Variants in MSH3 observed in about 807,000 individuals in gnomAD.
MSH3 encodes DNA mismatch repair protein Msh3.
Under a neutral mutation model 123.3 loss-of-function variants are expected in MSH3, and 106 were observed. That is an observed-to-expected ratio of 0.86 (90% CI 0.73 to 1.01). MSH3 has a LOEUF of 1.01. Among genes scored for constraint, MSH3 ranks in the 50% least tolerant of loss-of-function variants. MSH3 has a pLI of 0.00. For missense variants in MSH3, 1,459 were observed against 1,347.6 expected (o/e 1.08, Z -1.29); for synonymous variants, 515 against 481.4 (o/e 1.07, Z -0.91).
At chr5:80,792,173 T>C (rs1167387986) in intron 18 of MSH3, among the ~76,000 whole-genome samples, 1 of 152,150 alleles carries the variant, frequency 6.6e-6, no homozygotes, top group South Asian at 2.1e-4. Context: ...TGAAAATAAG[T>C]AGCAATAATC....
intron 8 of MSH3, among the ~76,000 whole-genome samples, chr5:80,724,382 T>TAATAC (rs1195278454): frequency 1.3e-5 from 2 of 151,616 alleles, no homozygotes; most frequent in Non-Finnish European, 2.9e-5. Flanking sequence ...TGTAGTAATA[T>TAATAC]ATAATGAGCA....
At chr5:80,667,731 G>A (rs1020355487) in intron 3 of MSH3, among the ~76,000 whole-genome samples, 1 of 152,212 alleles carries the variant, frequency 6.6e-6, no homozygotes, top group South Asian at 2.1e-4. Flanking sequence ...TGGCACCAGG[G>A]AACACAGTGG....
chr5:80,654,905 G>GCTGCAGCGC lies in MSH3; in HGVS notation c.179_180insTGCAGCGCC (p.Ala61_Pro63dup). The GCTGCAGCGC allele has an allele frequency of 6.7e-7, 1 of 1,494,090 alleles. No homozygotes were observed. The allele number at this position is 1,494,090 out of a possible 1,614,324, so 92.6% of individuals were successfully genotyped here. ...TGCAGCGGCTGCAGCGGCCGCAGCG[G>GCTGCAGCGC]CCGCAGCGCCCCCAGCGCCCCCAGC... On this transcript the variant is annotated inframe_insertion, in exon 1 of 24. Transcript: ENST00000265081.
In MSH3 at chr5:80,875,769, T is replaced by C; in HGVS notation, c.3321T>C (p.Phe1107=). ...INTKRKRLKY[F]AKLWTMHNAQ... ...TCCCCAGAAAGAGACTCAAGTATTT[T>C]GCAAAGTTATGGACGATGCATAATG... Residue 1107 remains phenylalanine, a synonymous_variant, in exon 24 of 24, where the codon TTT becomes TTC. Coordinates refer to ENST00000265081, the MANE Select transcript of MSH3 (RefSeq NM_002439.5). The C allele has an allele frequency of 6.2e-7, 1 of 1,612,928 alleles. No individual in the cohort carries two copies. The highest frequency in any genetic ancestry group is 8.5e-7 in the Non-Finnish European group (1 of 1,178,922).
intron 22 of MSH3, among the ~76,000 whole-genome samples, chr5:80,866,487 A>G (rs1746100477): frequency 6.6e-6 from 1 of 152,214 alleles, no homozygotes; most frequent in Non-Finnish European, 1.5e-5. Flanking sequence ...CAATGGTGCT[A>G]AAAGGCTCCT....
chr5:80,724,399 A>G (rs1580586650), intron 8 of MSH3, among the ~76,000 whole-genome samples: 2 of 152,194 alleles, frequency 1.3e-5, no homozygotes, highest in African/African-American at 4.8e-5. Context: ...AGCATATATT[A>G]TATATGCTTG....
intron 19 of MSH3, among the ~76,000 whole-genome samples, chr5:80,794,789 C>T (rs924390470): frequency 3.9e-5 from 6 of 152,022 alleles, no homozygotes; most frequent in African/African-American, 7.2e-5. Flanking sequence ...TCTGAGATTG[C>T]GAGAAATGGC....
intron 9 of MSH3, among the ~76,000 whole-genome samples, chr5:80,726,895 A>G (rs1030742825): frequency 2.0e-5 from 3 of 152,206 alleles, no homozygotes; most frequent in Non-Finnish European, 4.4e-5. Flanking sequence ...CTTAAAAGAT[A>G]TGGGCCAGAA....
intron 12 of MSH3, among the ~76,000 whole-genome samples, chr5:80,755,617 T>C (rs1743914244): frequency 6.6e-6 from 1 of 152,140 alleles, no homozygotes; most frequent in Non-Finnish European, 1.5e-5. Context: ...AGGACATTGC[T>C]GAATCTGTAT....
rs557365379 is a variant in MSH3, at chr5:80,685,144, T to C, written c.1340+6051T>C. ...ATTTTCTTTATTTGATATGAATTTGTCTCATTCTGGTATCAGGGTAATACT... is the reference window on the plus strand; with the variant it reads ...ATTTTCTTTATTTGATATGAATTTGCCTCATTCTGGTATCAGGGTAATACT... On this transcript the variant is annotated intron_variant, in intron 8 of 23. Coordinates refer to ENST00000265081, the MANE Select transcript of MSH3 (RefSeq NM_002439.5). Among the ~76,000 whole-genome samples the C allele has an allele frequency of 2.0e-5, 3 of 152,012 alleles. No individual in the cohort carries two copies. The East Asian group carries it at 5.8e-4, about 29-fold the overall frequency.
chr5:80,868,536 A>G (rs1180336245), intron 22 of MSH3, among the ~76,000 whole-genome samples: 1 of 147,756 alleles, frequency 6.8e-6, no homozygotes, highest in Admixed American at 6.8e-5. Context: ...CAAGTGTTGC[A>G]TGTTTCACTT....
chr5:80,870,541 G>C (rs1367604118), intron 22 of MSH3, among the ~76,000 whole-genome samples: 4 of 152,240 alleles, frequency 2.6e-5, no homozygotes, highest in Admixed American at 2.6e-4. Context: ...TCCCTAATCT[G>C]TTCCCACCTA....
At chr5:80,774,777 C>CGG (rs1744271137) in intron 15 of MSH3, among the ~76,000 whole-genome samples, 1 of 151,884 alleles carries the variant, frequency 6.6e-6, no homozygotes, top group South Asian at 2.1e-4. Flanking sequence ...GTTGAACTCA[C>CGG]GGAGATACAG....
intron 17 of MSH3, among the ~76,000 whole-genome samples, chr5:80,782,329 G>A (rs1024079372): frequency 6.8e-6 from 1 of 146,928 alleles, no homozygotes; most frequent in Non-Finnish European, 1.5e-5. Flanking sequence ...AAGGATGGTA[G>A]CATCTATACT....
intron 8 of MSH3, among the ~76,000 whole-genome samples, chr5:80,721,894 A>G (rs939856615): frequency 2.6e-5 from 4 of 152,148 alleles, no homozygotes; most frequent in Non-Finnish European, 4.4e-5. Context: ...GTGACGAGGT[A>G]TAGCCATTTG....
In MSH3 at chr5:80,704,561, G is replaced by A. The variant is rs6151689; in HGVS notation, c.1341-20892G>A. ...GTGCTAGGCTGTGCTGATCTCTCTG[G>A]AGTGATTATGGTGCTTTTTGCCTGG... On this transcript the variant is annotated intron_variant, in intron 8 of 23. Coordinates refer to ENST00000265081, the MANE Select transcript of MSH3 (RefSeq NM_002439.5). 3.7e-3 allele frequency among the ~76,000 whole-genome samples: 569 copies of A among 152,240 alleles called. 2 individuals are homozygous for A. The highest frequency in any genetic ancestry group is 0.024 in the Middle Eastern group (7 of 294).
chr5:80,671,059 G>T (rs1749713927), intron 4 of MSH3, among the ~76,000 whole-genome samples: 1 of 151,742 alleles, frequency 6.6e-6, no homozygotes, highest in Admixed American at 6.6e-5. Context: ...GGAGATGGAG[G>T]TTGCAGTGAG....
chr5:80,741,151 T>C (rs979162305), intron 10 of MSH3, among the ~76,000 whole-genome samples: 1 of 152,232 alleles, frequency 6.6e-6, no homozygotes, highest in African/African-American at 2.4e-5. Context: ...GCTTGGCTAA[T>C]GATAAAAGAC....
chr5:80,792,595 T>C (rs1744626459), intron 18 of MSH3, 138 bp from the exon 19 acceptor site: 3 of 650,126 alleles, frequency 4.6e-6, no homozygotes, highest in East Asian at 5.5e-5. Context: ...ATTCTGGACA[T>C]ATGTTCTTAA....
Sources: gnomAD v4.1 joint callset for allele counts (sites outside exome capture counted in the v4.1 genomes callset) on GRCh38, gnomAD v4.1.1 for gene constraint, MANE v1.5 for transcripts, NCBI Gene and HGNC (gene_info 2026-07-23, HGNC 2026-07-21) for gene names.